PEX26: variants seen among roughly 807,000 people sequenced by gnomAD.
PEX26 encodes the protein peroxisome assembly protein 26.
In PEX26, 18 loss-of-function variants were observed where a neutral mutation model predicts 31.4. The ratio of observed to expected loss-of-function variants is 0.57; its 90% CI spans 0.40 to 0.85. The LOEUF (loss-of-function observed/expected upper bound fraction) is 0.85, where lower values mean the gene tolerates loss of function less well. PEX26 is among the 40% of genes least tolerant of loss of function. The pLI is 0.00. For synonymous variants in PEX26, 176 were observed against 166.9 expected, an observed-to-expected ratio of 1.05 and a Z score of -0.42; for missense variants, 377 against 383.9, an observed-to-expected ratio of 0.98 and a Z score of 0.15.
rs1926376439 is a variant in PEX26, at chr22:18,078,264, CAA to C, written c.-111_-110del. ...AATCGACCTCGGGAAGGGGTGTGGG[CAA>C]AGAGATGAGGACTCTCCCTCTTCGC... On this transcript the variant is annotated 5_prime_UTR_variant, in exon 1 of 5. Transcript: ENST00000399744. The C allele has an allele frequency of 1.2e-6, 1 of 801,056 alleles. No homozygotes were observed. Among genetic ancestry groups the C allele is most frequent in the Admixed American group, 2.0e-5 (1 of 50,098 alleles). 49.6% of individuals were successfully genotyped at this position (801,056 alleles called of 1,614,324 possible).
rs373434404 is a variant in PEX26, at chr22:18,078,327, A to G, written c.-50A>G. On this transcript the variant is annotated 5_prime_UTR_variant, in exon 1 of 5. Transcript: ENST00000399744. ...TCGGGATATCCCGGAGCCTCTGGGG[A>G]GGCGGTCACTCCGACGTCTGAGGAC... 4.6e-5 allele frequency: 62 copies of G among 1,335,120 alleles called. No homozygotes were observed. The East Asian group carries it at 6.9e-4, about 15-fold the overall frequency. 82.7% of individuals were successfully genotyped at this position (1,335,120 alleles called of 1,614,324 possible).
chr22:18,089,520 C>A lies in PEX26; in HGVS notation c.*1445C>A, dbSNP rs1026212644. On this transcript the variant is annotated 3_prime_UTR_variant, in exon 5 of 5. Coordinates refer to ENST00000399744, the MANE Select transcript of PEX26 (RefSeq NM_001127649.3). Reference sequence around the variant, plus strand: ...CTGTGCAAGGAAGCGTAGAGCACTGCTGTGCTGTCAGGATGAAGAAGGGCT... The same window carrying A: ...CTGTGCAAGGAAGCGTAGAGCACTGATGTGCTGTCAGGATGAAGAAGGGCT... 3 of 152,436 alleles carry A rather than the reference C, an allele frequency of 2.0e-5. No homozygotes were observed. Among genetic ancestry groups the A allele is most frequent in the African/African-American group, 7.2e-5 (3 of 41,458 alleles). The allele number at this position is 152,436 out of a possible 1,614,324, so 9.4% of individuals were successfully genotyped here.
Position 18,081,025 on chromosome 22 carries a change from G to A in PEX26, c.371+1011G>A, listed in dbSNP as rs8138810. Among the ~76,000 whole-genome samples, 668 of 150,042 alleles carry A rather than the reference G, an allele frequency of 4.5e-3. 8 individuals are homozygous for A. The highest frequency in any genetic ancestry group is 0.016 in the African/African-American group (650 of 40,666). On this transcript the variant is annotated intron_variant, in intron 2 of 4. Coordinates refer to ENST00000399744, the MANE Select transcript of PEX26 (RefSeq NM_001127649.3). Reference sequence around the variant, plus strand: ...TTTTTTTTTTTAAAGATTCACATGAGTGAAATCATGTAGTATTTATCTTTC... The same window carrying A: ...TTTTTTTTTTTAAAGATTCACATGAATGAAATCATGTAGTATTTATCTTTC...
chr22:18,088,066 C>T lies in PEX26; in HGVS notation c.909C>T (p.Ile303=). 1 of 1,607,266 alleles carries T rather than the reference C, an allele frequency of 6.2e-7. No homozygotes were observed. Among genetic ancestry groups the T allele is most frequent in the Non-Finnish European group, 8.5e-7 (1 of 1,174,636 alleles). Residue 303 remains isoleucine (I), a synonymous_variant, in exon 5 of 5, where the codon ATC becomes ATT. Coordinates refer to ENST00000399744, the MANE Select transcript of PEX26 (RefSeq NM_001127649.3). The surrounding 1 kb of genome is among the most constrained non-coding windows in gnomAD (Gnocchi z 4.1). The part of the protein sequence containing the change: ...AAFSRLYQLR[I]RD ...TTTCTCGCCTCTACCAGCTCCGCAT[C>T]CGTGACTGAGGGTCCCTGCGCACCA... is the stretch of plus-strand genomic sequence containing the variant.
Position 18,088,712 on chromosome 22 carries a change from G to A in PEX26, c.*637G>A, listed in dbSNP as rs1461704566. ...AATCACTTGAGCCAGGGAGGCAAAAGTTGCAGTGAGCTGAGATTGTGCTAC... is the reference window on the plus strand; with the variant it reads ...AATCACTTGAGCCAGGGAGGCAAAAATTGCAGTGAGCTGAGATTGTGCTAC... On this transcript the variant is annotated 3_prime_UTR_variant, in exon 5 of 5. Transcript: ENST00000399744. The surrounding 1 kb of genome is among the most constrained non-coding windows in gnomAD (Gnocchi z 4.1). 1 of 176,710 alleles carries A rather than the reference G, an allele frequency of 5.7e-6. No individual in the cohort carries two copies. The highest frequency in any genetic ancestry group is 1.2e-5 in the Non-Finnish European group (1 of 81,890). The allele number at this position is 176,710 out of a possible 1,614,324, so 10.9% of individuals were successfully genotyped here.
chr22:18,081,208 C>T (rs986828369), intron 2 of PEX26, among the ~76,000 whole-genome samples: 9 of 146,604 alleles, frequency 6.1e-5, no homozygotes, highest in African/African-American at 2.0e-4. Flanking sequence ...CATATATAAA[C>T]ACATATATAC....
At chr22:18,087,950 G>A (rs1241721876) in intron 4 of PEX26, 22 bp from the exon 5 acceptor site, 2 of 1,506,972 alleles carry the variant, frequency 1.3e-6, no homozygotes, top group South Asian at 1.1e-5. Flanking sequence ...GACGTTCACT[G>A]TAGTCTCCCT....
intron 4 of PEX26, among the ~76,000 whole-genome samples, chr22:18,086,870 C>CT (rs1926861933): frequency 6.6e-6 from 1 of 151,214 alleles, no homozygotes; most frequent in Non-Finnish European, 1.5e-5. Context: ...ATTCAGTGAG[C>CT]TTTTTTAAAA....
At chr22:18,081,245 T>TACACACACACACACACACACACACACAC (rs59081749) in intron 2 of PEX26, among the ~76,000 whole-genome samples, 2 of 138,124 alleles carry the variant, frequency 1.4e-5, no homozygotes, top group Admixed American at 1.5e-4. Context: ...TGTACACATA[T>TACACACACACACACACACACACACACAC]ACACACACAC....
In PEX26 at chr22:18,092,847, C is replaced by T. The variant is rs1475102158; in HGVS notation, c.*4772C>T. ...TTGGGGGGGGGGTGGGTTATAAAAGCCCTTTTATAAAGCCAATTTTAAACA... is the reference window on the plus strand; with the variant it reads ...TTGGGGGGGGGGTGGGTTATAAAAGTCCTTTTATAAAGCCAATTTTAAACA... On this transcript the variant is annotated 3_prime_UTR_variant, in exon 5 of 5. Coordinates refer to ENST00000399744, the MANE Select transcript of PEX26 (RefSeq NM_001127649.3). 2 of 147,820 alleles carry T rather than the reference C, an allele frequency of 1.4e-5. No individual in the cohort carries two copies. The highest frequency in any genetic ancestry group is 2.0e-4 in the East Asian group (1 of 4,974). The allele number at this position is 147,820 out of a possible 1,614,324, so 9.2% of individuals were successfully genotyped here.
In PEX26 at chr22:18,098,401, C is replaced by T. The variant is rs1398133774; in HGVS notation, c.*10326C>T. On this transcript the variant is annotated 3_prime_UTR_variant, in exon 5 of 5. Transcript: ENST00000399744. ...CTTGGCTGGGTGCGGTGGCTCATGC[C>T]TGCAATCCCAGCACTTCGGGAGGCC... The T allele has an allele frequency of 6.6e-6, 1 of 151,870 alleles. No individual in the cohort carries two copies. The highest frequency in any genetic ancestry group is 2.4e-5 in the African/African-American group (1 of 41,318). The allele number at this position is 151,870 out of a possible 1,614,324, so 9.4% of individuals were successfully genotyped here.
At chr22:18,082,305 A>G (rs1926648605) in intron 2 of PEX26, among the ~76,000 whole-genome samples, 1 of 152,044 alleles carries the variant, frequency 6.6e-6, no homozygotes, top group African/African-American at 2.4e-5. Context: ...GTTGTGAGGC[A>G]TTTCTCCTGT....
chr22:18,093,070 C>A lies in PEX26; in HGVS notation c.*4995C>A, dbSNP rs943433073. On this transcript the variant is annotated 3_prime_UTR_variant, in exon 5 of 5. Coordinates refer to ENST00000399744, the MANE Select transcript of PEX26 (RefSeq NM_001127649.3). ...AAAACAGAGCTCAGGAGCAGACACG[C>A]AGTCCTGGGAACCCTTCAATAAGAG... is the stretch of plus-strand genomic sequence containing the variant. 6.6e-6 allele frequency: 1 copy of A among 152,132 alleles called. No individual in the cohort carries two copies. Among genetic ancestry groups the A allele is most frequent in the Non-Finnish European group, 1.5e-5 (1 of 68,040 alleles). 9.4% of individuals were successfully genotyped at this position (152,132 alleles called of 1,614,324 possible). A position where few individuals can be genotyped will look rare whatever the true frequency, so the allele number is the denominator to read the frequency against.
In PEX26 at chr22:18,083,518, A is replaced by G; in HGVS notation, c.453A>G (p.Gln151=). ...VGAWLQDPAN[Q]NLPEYGALAE... Reference sequence around the variant, plus strand: ...CCTGGCTCCAAGACCCAGCCAATCAAAACCTTCCAGAATATGGAGCCTTGG... The same window carrying G: ...CCTGGCTCCAAGACCCAGCCAATCAGAACCTTCCAGAATATGGAGCCTTGG... Residue 151 remains glutamine (Q), a synonymous_variant, in exon 3 of 5, where the codon CAA becomes CAG. Transcript: ENST00000399744. 6.2e-7 allele frequency: 1 copy of G among 1,614,148 alleles called. No individual in the cohort carries two copies. The highest frequency in any genetic ancestry group is 1.1e-5 in the South Asian group (1 of 91,080).
rs765734604 is a variant in PEX26 at position 18,085,142 on chromosome 22, C to T, written c.698C>T (p.Pro233Leu). Residue 233 changes from proline (P) to leucine (L), a missense_variant, in exon 4 of 5, where the codon CCG becomes CTG. Physicochemically the swap from Pro to Leu is moderately conservative, Grantham distance 98. Transcript: ENST00000399744. The part of the protein sequence containing the change: ...GSVSHKFLSL[P>L]MLVRQLWDSA... Reference sequence around the variant, plus strand: ...GTCTCCCACAAGTTCCTGTCACTACCGATGTTGGTTCGCCAGCTTTGGGAC... The same window carrying T: ...GTCTCCCACAAGTTCCTGTCACTACTGATGTTGGTTCGCCAGCTTTGGGAC... 27 of 1,614,122 alleles carry T rather than the reference C, an allele frequency of 1.7e-5. No homozygotes were observed. Among genetic ancestry groups the T allele is most frequent in the African/African-American group, 4.0e-5 (3 of 75,036 alleles).
At position 18,102,298 on chromosome 22, in the gene PEX26, G is replaced by A. The variant is rs467814; in HGVS notation, c.*14223G>A. ...AGGTGTTTCAGGAGAAACACATCAA[G>A]CCATTTGTTTTTGACCCTTAATACT... is the stretch of plus-strand genomic sequence containing the variant. On this transcript the variant is annotated 3_prime_UTR_variant, in exon 5 of 5. Coordinates refer to ENST00000399744, the MANE Select transcript of PEX26 (RefSeq NM_001127649.3). The A allele has an allele frequency of 8.0e-3, 1,215 of 152,440 alleles. 33 individuals are homozygous for A. The East Asian group carries it at 0.11, about 14-fold the overall frequency. The allele number at this position is 152,440 out of a possible 1,614,324, so 9.4% of individuals were successfully genotyped here. A position where few individuals can be genotyped will look rare whatever the true frequency, so the allele number is the denominator to read the frequency against.
rs546891665 is a variant in PEX26, at chr22:18,094,370, C to T, written c.*6295C>T. Reference sequence around the variant, plus strand: ...GGGACTATAGGCGCCCGCCACCACGCCTGGCTAATTTTTTGGTATTTTTAG... The same window carrying T: ...GGGACTATAGGCGCCCGCCACCACGTCTGGCTAATTTTTTGGTATTTTTAG... On this transcript the variant is annotated 3_prime_UTR_variant, in exon 5 of 5. Transcript: ENST00000399744. 3.3e-5 allele frequency: 5 copies of T among 152,296 alleles called. No individual in the cohort carries two copies. Among genetic ancestry groups the T allele is most frequent in the Non-Finnish European group, 7.3e-5 (5 of 68,188 alleles). 9.4% of individuals were successfully genotyped at this position (152,296 alleles called of 1,614,324 possible). A position where few individuals can be genotyped will look rare whatever the true frequency, so the allele number is the denominator to read the frequency against.
In PEX26 at chr22:18,100,001, C is replaced by T. The variant is rs1300453432; in HGVS notation, c.*11926C>T. The T allele has an allele frequency of 6.6e-6, 1 of 152,168 alleles. No homozygotes were observed. 9.4% of individuals were successfully genotyped at this position (152,168 alleles called of 1,614,324 possible). A position where few individuals can be genotyped will look rare whatever the true frequency, so the allele number is the denominator to read the frequency against. On this transcript the variant is annotated 3_prime_UTR_variant, in exon 5 of 5. Transcript: ENST00000399744. ...AACATATCTTTGGGGGGCCAAAATT[C>T]AATCCCCTAATCCATGTTAGTAACC...
chr22:18,083,640 G>A lies in PEX26; in HGVS notation c.575G>A (p.Arg192Gln), dbSNP rs1238956029. 1.2e-6 allele frequency: 2 copies of A among 1,614,078 alleles called. No homozygotes were observed. Among genetic ancestry groups the A allele is most frequent in the African/African-American group, 1.3e-5 (1 of 75,018 alleles). Residue 192 changes from arginine (R) to glutamine (Q), a missense_variant, in exon 3 of 5, where the codon CGA becomes CAA. Transcript: ENST00000399744. Reference protein sequence around the residue: ...VGSAAFGEERRLDVLQAIHTA... With the variant: ...VGSAAFGEERQLDVLQAIHTA... ...TCTGCAGCCTTTGGTGAGGAGCGGC[G>A]ACTGGATGTACTTCAGGCCATTCAC... is the stretch of plus-strand genomic sequence containing the variant.
Sources: allele counts gnomAD v4.1 joint callset (sites outside exome capture counted in the v4.1 genomes callset), GRCh38; gene constraint gnomAD v4.1.1; non-coding constraint Gnocchi (gnomAD v3.1); transcripts MANE v1.5; gene names NCBI Gene and HGNC (gene_info 2026-07-23, HGNC 2026-07-21).